Variants in SMARCB1 observed in about 807,000 individuals in gnomAD.
SMARCB1 encodes SWI/SNF-related matrix-associated actin-dependent regulator of chromatin subfamily B member 1.
A neutral mutation model predicts 49.0 loss-of-function variants in SMARCB1; 5 were observed. The ratio of observed to expected loss-of-function variants is 0.10; its 90% CI spans 0.05 to 0.21. The LOEUF is 0.21. Among genes scored for constraint, SMARCB1 ranks in the 10% least tolerant of loss-of-function variants. The probability of loss-of-function intolerance (pLI) is 1.00; values close to 1 mark genes in which losing one functional copy is unlikely to be tolerated. For missense variants in SMARCB1, 226 were observed against 509.2 expected, an observed-to-expected ratio of 0.44 and a Z score of 5.35; for synonymous variants, 201 against 200.1, an observed-to-expected ratio of 1.00 and a Z score of -0.04.
At chr22:23,833,986 C>T (rs900023752) in intron 8 of SMARCB1, among the ~76,000 whole-genome samples, 155 bp from the exon 9 acceptor site, 3 of 152,192 alleles carry the variant, frequency 2.0e-5, no homozygotes, top group Non-Finnish European at 4.4e-5. Flanking sequence ...GGCAGACAGG[C>T]GAGGCTGAGA....
In SMARCB1 at chr22:23,799,238, G is replaced by A. The variant is rs187280254; in HGVS notation, c.363-1706G>A. Among the ~76,000 whole-genome samples, 346 of 151,404 alleles carry A rather than the reference G, an allele frequency of 2.3e-3. 3 individuals are homozygous for A. The highest frequency in any genetic ancestry group is 8.0e-3 in the African/African-American group (329 of 41,246). On this transcript the variant is annotated intron_variant, in intron 3 of 8. Coordinates refer to ENST00000644036, the MANE Select transcript of SMARCB1 (RefSeq NM_003073.5). ...AACGGGCACCCAAATGCTCTCATCT[G>A]TTTCACCCAGCCCTGGAGCCTTAGT... is the stretch of plus-strand genomic sequence containing the variant.
At chr22:23,825,663 C>G (rs948594493) in intron 7 of SMARCB1, 5 of 552,250 alleles carry the variant, frequency 9.1e-6, no homozygotes, top group African/African-American at 3.8e-5. Flanking sequence ...TCAGGGTGAA[C>G]CTCAAGTCCT....
At position 23,835,770 on chromosome 22, in the gene SMARCB1, C is replaced by G. The variant is rs2030997517; in HGVS notation, c.*1590C>G. 1.0e-6 allele frequency: 1 copy of G among 985,356 alleles called. No homozygotes were observed. Among genetic ancestry groups the G allele is most frequent in the Non-Finnish European group, 1.2e-6 (1 of 829,948 alleles). The allele number at this position is 985,356 out of a possible 1,614,324, so 61.0% of individuals were successfully genotyped here. A position where few individuals can be genotyped will look rare whatever the true frequency, so the allele number is the denominator to read the frequency against. ...ATGAAAGGGTGAGGCAGCCCTGTGT[C>G]TCCACAACTGGGGGGATGGAAGGAA... On this transcript the variant is annotated 3_prime_UTR_variant, in exon 9 of 9. Coordinates refer to ENST00000644036, the MANE Select transcript of SMARCB1 (RefSeq NM_003073.5).
At chr22:23,799,426 T>A (rs998114169) in intron 3 of SMARCB1, among the ~76,000 whole-genome samples, 1 of 150,204 alleles carries the variant, frequency 6.7e-6, no homozygotes, top group Non-Finnish European at 1.5e-5. Context: ...TATAGACGTG[T>A]GCCACCACGC....
chr22:23,834,697 G>T lies in SMARCB1; in HGVS notation c.*517G>T. 7.7e-7 allele frequency: 1 copy of T among 1,291,082 alleles called. No homozygotes were observed. The highest frequency in any genetic ancestry group is 1.0e-6 in the Non-Finnish European group (1 of 955,482). The allele number at this position is 1,291,082 out of a possible 1,614,324, so 80.0% of individuals were successfully genotyped here. ...GAATGGGGCTCCGGGTAGCACCTCA[G>T]CTCCTCTCAGCTCCCCTCAGCCTGT... is the stretch of plus-strand genomic sequence containing the variant. On this transcript the variant is annotated 3_prime_UTR_variant, in exon 9 of 9. Coordinates refer to ENST00000644036, the MANE Select transcript of SMARCB1 (RefSeq NM_003073.5).
rs9612485 is a variant in SMARCB1 at position 23,837,315 on chromosome 22, G to A, written c.*3135G>A. 148,279 of 946,682 alleles carry A rather than the reference G, an allele frequency of 0.16. 15,936 individuals carry two copies. Among genetic ancestry groups the A allele is most frequent in the African/African-American group, 0.46 (27,592 of 59,480 alleles). The allele number at this position is 946,682 out of a possible 1,614,324, so 58.6% of individuals were successfully genotyped here. A position where few individuals can be genotyped will look rare whatever the true frequency, so the allele number is the denominator to read the frequency against. ...AGAGTGCCAGCCCCGGGTTGGCCGT[G>A]AAGGACAAGCTTAAAAGGCCCAGAA... On this transcript the variant is annotated 3_prime_UTR_variant, in exon 9 of 9. Coordinates refer to ENST00000644036, the MANE Select transcript of SMARCB1 (RefSeq NM_003073.5).
In SMARCB1 at chr22:23,837,106, T is replaced by C. The variant is rs1051885475; in HGVS notation, c.*2926T>C. ...CAGGAGCCTCTTGCCTCCAGGCTGG[T>C]TGGGGAAGACGTCCTCCAGGAAGTA... On this transcript the variant is annotated 3_prime_UTR_variant, in exon 9 of 9. Transcript: ENST00000644036. 6.8e-6 allele frequency: 11 copies of C among 1,613,710 alleles called. No individual in the cohort carries two copies. In the African/African-American group the frequency reaches 9.4e-5, roughly 14 times the overall value.
Position 23,835,771 on chromosome 22 carries a change from T to C in SMARCB1, c.*1591T>C. The C allele has an allele frequency of 1.0e-6, 1 of 985,428 alleles. No homozygotes were observed. The allele number at this position is 985,428 out of a possible 1,614,324, so 61.0% of individuals were successfully genotyped here. Reference sequence around the variant, plus strand: ...TGAAAGGGTGAGGCAGCCCTGTGTCTCCACAACTGGGGGGATGGAAGGAAC... The same window carrying C: ...TGAAAGGGTGAGGCAGCCCTGTGTCCCCACAACTGGGGGGATGGAAGGAAC... On this transcript the variant is annotated 3_prime_UTR_variant, in exon 9 of 9. Coordinates refer to ENST00000644036, the MANE Select transcript of SMARCB1 (RefSeq NM_003073.5).
intron 3 of SMARCB1, among the ~76,000 whole-genome samples, chr22:23,796,623 A>G (rs916077070): frequency 3.9e-5 from 6 of 152,238 alleles, no homozygotes; most frequent in Admixed American, 6.5e-5. Flanking sequence ...TTTTCCCCCA[A>G]GGGATGTGGT....
At chr22:23,809,608 T>C (rs1414433762) in intron 5 of SMARCB1, among the ~76,000 whole-genome samples, 1 of 151,642 alleles carries the variant, frequency 6.6e-6, no homozygotes, top group African/African-American at 2.4e-5. Context: ...AGACGGGGTT[T>C]CACTGTGTTA....
At chr22:23,790,285 A>G (rs1454765037) in intron 1 of SMARCB1, among the ~76,000 whole-genome samples, 1 of 152,226 alleles carries the variant, frequency 6.6e-6, no homozygotes, top group East Asian at 1.9e-4. Context: ...CACAAGCCAA[A>G]TAACATAGAG....
chr22:23,791,563 A>G (rs1047942787), intron 1 of SMARCB1, among the ~76,000 whole-genome samples, 193 bp from the exon 2 acceptor site: 24 of 152,214 alleles, frequency 1.6e-4, no homozygotes, highest in African/African-American at 5.5e-4. Context: ...CAGGATGCAC[A>G]TATGCAGGCC....
At position 23,792,002 on chromosome 22, in the gene SMARCB1, C is replaced by T. The variant is rs143654232; in HGVS notation, c.232+108C>T. 3.4e-3 allele frequency: 4,390 copies of T among 1,293,346 alleles called. 10 individuals are homozygous for T. Among genetic ancestry groups the T allele is most frequent in the Non-Finnish European group, 4.3e-3 (3,872 of 907,538 alleles). The allele number at this position is 1,293,346 out of a possible 1,614,324, so 80.1% of individuals were successfully genotyped here. A position where few individuals can be genotyped will look rare whatever the true frequency, so the allele number is the denominator to read the frequency against. On this transcript the variant is annotated intron_variant, in intron 2 of 8. Coordinates refer to ENST00000644036, the MANE Select transcript of SMARCB1 (RefSeq NM_003073.5). ...TCTTCACTGCAGCCTTGGCCTTAGT[C>T]GGGCAGGGAGCATCCCGGGGTGGGC...
At chr22:23,801,722 T>C (rs1314466053) in intron 4 of SMARCB1, 1 of 257,360 alleles carries the variant, frequency 3.9e-6, no homozygotes, top group Non-Finnish European at 7.7e-6. Context: ...GGCGATGTAA[T>C]TTAGGGCCCT....
chr22:23,815,667 A>G (rs1261264210), intron 5 of SMARCB1: 1 of 152,230 alleles, frequency 6.6e-6, no homozygotes, highest in East Asian at 1.9e-4. Flanking sequence ...GAAACTGGAA[A>G]TGATCTAGAT....
In SMARCB1 at chr22:23,837,153, C is replaced by G; in HGVS notation, c.*2973C>G. The G allele has an allele frequency of 6.2e-7, 1 of 1,613,864 alleles. No individual in the cohort carries two copies. Among genetic ancestry groups the G allele is most frequent in the Non-Finnish European group, 8.5e-7 (1 of 1,179,890 alleles). ...AGTAGTAGATATGGCCCACCGCAAT[C>G]CCTGTGAGACAGCCACGGACTGTGG... is the stretch of plus-strand genomic sequence containing the variant. On this transcript the variant is annotated 3_prime_UTR_variant, in exon 9 of 9. Transcript: ENST00000644036.
At chr22:23,815,928 C>G (rs765273271) in intron 5 of SMARCB1, 1 of 152,498 alleles carries the variant, frequency 6.6e-6, no homozygotes, top group African/African-American at 2.4e-5. Flanking sequence ...GTGTTTACCC[C>G]GTGCACCTGA....
chr22:23,799,912 C>T (rs1188315086), intron 3 of SMARCB1, among the ~76,000 whole-genome samples: 1 of 152,110 alleles, frequency 6.6e-6, no homozygotes, highest in African/African-American at 2.4e-5. Flanking sequence ...TCTTGATCTC[C>T]TGACCTCGTG....
At chr22:23,831,402 T>C (rs2030650451) in intron 7 of SMARCB1, among the ~76,000 whole-genome samples, 1 of 151,990 alleles carries the variant, frequency 6.6e-6, no homozygotes. Context: ...CCTGGACACT[T>C]TGGGTGGTAG....
Sources: allele counts gnomAD v4.1 joint callset (sites outside exome capture counted in the v4.1 genomes callset), GRCh38; gene constraint gnomAD v4.1.1; transcripts MANE v1.5; gene names NCBI Gene and HGNC (gene_info 2026-07-23, HGNC 2026-07-21).